CDH13: variants seen among roughly 807,000 people sequenced by gnomAD.
CDH13 encodes cadherin 13.
CDH13 carries 24 observed loss-of-function variants against 63.8 expected under a neutral mutation model. The ratio of observed to expected loss-of-function variants is 0.38; its 90% CI spans 0.27 to 0.53. The LOEUF (loss-of-function observed/expected upper bound fraction) is 0.53, where lower values mean the gene tolerates loss of function less well. CDH13 is among the 20% of genes least tolerant of loss of function. The probability of loss-of-function intolerance (pLI) is 0.85; values close to 1 mark genes in which losing one functional copy is unlikely to be tolerated. For synonymous variants in CDH13, 503 were observed against 355.3 expected (o/e 1.42, Z -4.67); for missense variants, 1,049 against 903.1 (o/e 1.16, Z -2.07).
chr16:83,332,700 A>C (rs976444197), intron 5 of CDH13, among the ~76,000 whole-genome samples: 9 of 152,244 alleles, frequency 5.9e-5, no homozygotes, highest in African/African-American at 1.9e-4. Flanking sequence ...GAACCAATTA[A>C]AATTTTTAGC....
chr16:83,476,403 T>C (rs1052388529), intron 6 of CDH13, among the ~76,000 whole-genome samples: 1 of 152,224 alleles, frequency 6.6e-6, no homozygotes, highest in Non-Finnish European at 1.5e-5. Flanking sequence ...CTGGGCGCAG[T>C]GGCTCACACC....
At chr16:83,501,173 G>A (rs2074275797) in intron 7 of CDH13, among the ~76,000 whole-genome samples, 2 of 152,334 alleles carry the variant, frequency 1.3e-5, no homozygotes. Context: ...CAACTTAATA[G>A]ACATTTTGTG....
chr16:83,182,989 G>C lies in CDH13; in HGVS notation c.484-34356G>C, dbSNP rs374325547. Among the ~76,000 whole-genome samples, 582 of 151,734 alleles carry C rather than the reference G, an allele frequency of 3.8e-3. 1 individual carries two copies. The highest frequency in any genetic ancestry group is 0.014 in the African/African-American group (564 of 41,380). Reference sequence around the variant, plus strand: ...TTTCTGTTTGATTCACAGTAAAAAAGAATAAAAAATAAAAATTAAAAAAAA... The same window carrying C: ...TTTCTGTTTGATTCACAGTAAAAAACAATAAAAAATAAAAATTAAAAAAAA... On this transcript the variant is annotated intron_variant, in intron 4 of 13. Transcript: ENST00000567109.
chr16:83,772,300 C>T (rs1386075820), intron 11 of CDH13, among the ~76,000 whole-genome samples: 1 of 152,144 alleles, frequency 6.6e-6, no homozygotes, highest in Non-Finnish European at 1.5e-5. Flanking sequence ...AAGTCTTATG[C>T]TGCTAGAAGC....
chr16:82,995,882 T>C (rs1009767628), intron 2 of CDH13, among the ~76,000 whole-genome samples: 6 of 152,156 alleles, frequency 3.9e-5, no homozygotes, highest in African/African-American at 1.2e-4. Context: ...CGTTTAATTA[T>C]GAGAAAGTAA....
At chr16:82,814,870 G>A (rs2037626171) in intron 1 of CDH13, among the ~76,000 whole-genome samples, 1 of 152,028 alleles carries the variant, frequency 6.6e-6, no homozygotes, top group African/African-American at 2.4e-5. Context: ...TTATCTCCAG[G>A]TAGATATTAC....
intron 1 of CDH13, among the ~76,000 whole-genome samples, chr16:82,827,664 A>G (rs1404203952): frequency 1.3e-5 from 2 of 152,192 alleles, no homozygotes; most frequent in Admixed American, 1.3e-4. Flanking sequence ...TAAAGTGAGG[A>G]AGGACATGGA....
chr16:83,167,311 A>G (rs2037721386), intron 4 of CDH13, among the ~76,000 whole-genome samples: 1 of 151,852 alleles, frequency 6.6e-6, no homozygotes, highest in Admixed American at 6.6e-5. Flanking sequence ...AGCCTGGCCA[A>G]CATGGTGAAA....
intron 1 of CDH13, among the ~76,000 whole-genome samples, chr16:82,789,203 C>T (rs980251221): frequency 6.6e-6 from 1 of 152,186 alleles, no homozygotes; most frequent in Non-Finnish European, 1.5e-5. Context: ...CATCCAGTCT[C>T]TGTGTGGTTG....
At chr16:83,486,739 G>C in intron 7 of CDH13, 84 bp downstream of exon 7, 2 of 1,324,490 alleles carry the variant, frequency 1.5e-6, no homozygotes, top group Non-Finnish European at 2.1e-6. Context: ...TCCAGTCAGT[G>C]GTTTTTTTTA....
At chr16:83,524,263 A>C (rs1032535206) in intron 7 of CDH13, among the ~76,000 whole-genome samples, 1 of 152,102 alleles carries the variant, frequency 6.6e-6, no homozygotes, top group African/African-American at 2.4e-5. Context: ...TAATATATTC[A>C]TACCAGGCCC....
intron 3 of CDH13, among the ~76,000 whole-genome samples, chr16:83,090,297 C>G (rs758923975): frequency 6.6e-6 from 1 of 152,070 alleles, no homozygotes; most frequent in East Asian, 1.9e-4. Context: ...GTTTGTGGGC[C>G]GGGCACGGTG....
intron 8 of CDH13, among the ~76,000 whole-genome samples, chr16:83,604,880 A>G (rs1431975731): frequency 1.3e-5 from 2 of 152,180 alleles, no homozygotes; most frequent in Non-Finnish European, 2.9e-5. Context: ...TTAGGAAAAA[A>G]AGAAATCTTT....
At chr16:83,099,589 G>T (rs2034374033) in intron 3 of CDH13, among the ~76,000 whole-genome samples, 1 of 151,456 alleles carries the variant, frequency 6.6e-6, no homozygotes, top group Non-Finnish European at 1.5e-5. Context: ...CTCCCAAAGT[G>T]CTGGGATTAT....
At chr16:83,658,484 C>T (rs62045340) in intron 8 of CDH13, among the ~76,000 whole-genome samples, 2,696 of 114,534 alleles carry the variant, frequency 0.024, no homozygotes, top group East Asian at 0.039. Flanking sequence ...CACCAGGTCC[C>T]GTATCCTCAC....
chr16:83,169,733 T>C (rs1026160223), intron 4 of CDH13, among the ~76,000 whole-genome samples: 4 of 152,126 alleles, frequency 2.6e-5, no homozygotes, highest in African/African-American at 9.6e-5. Context: ...TGCCAGCTAG[T>C]TATTTGAATT....
intron 3 of CDH13, among the ~76,000 whole-genome samples, chr16:83,102,949 T>TTTTTTTTTTTTTTTTTC (rs2034566889): frequency 2.2e-5 from 1 of 45,324 alleles, no homozygotes; most frequent in Non-Finnish European, 5.0e-5. Context: ...TTTCTTTTTC[T>TTTTTTTTTTTTTTTTTC]TTTTTTTTTT....
At chr16:83,423,220 A>T (rs1182203681) in intron 6 of CDH13, among the ~76,000 whole-genome samples, 2 of 152,234 alleles carry the variant, frequency 1.3e-5, no homozygotes, top group African/African-American at 4.8e-5. Context: ...GTAAGTCCTC[A>T]GTAGCCTCTA....
At chr16:82,661,364 T>C (rs1911924759) in intron 1 of CDH13, among the ~76,000 whole-genome samples, 1 of 152,238 alleles carries the variant, frequency 6.6e-6, no homozygotes, top group South Asian at 2.1e-4. Flanking sequence ...GAACGGGTAA[T>C]TGACAGACAT....
Sources: gnomAD v4.1 joint callset for allele counts (sites outside exome capture counted in the v4.1 genomes callset) on GRCh38, gnomAD v4.1.1 for gene constraint, MANE v1.5 for transcripts, NCBI Gene and HGNC (gene_info 2026-07-23, HGNC 2026-07-21) for gene names.